Variants in MTMR7 observed in about 807,000 individuals in gnomAD.
MTMR7 encodes phosphatidylinositol-3-phosphate phosphatase MTMR7.
In MTMR7, 76 loss-of-function variants were observed where a neutral mutation model predicts 81.2. The observed-to-expected ratio is 0.94, with a 90% CI of 0.78 to 1.13. MTMR7 has a LOEUF of 1.13. Among genes scored for constraint, MTMR7 ranks in the 50% most tolerant of loss-of-function variants. The pLI, the probability that MTMR7 is intolerant of heterozygous loss-of-function variation, is 0.00. For synonymous variants in MTMR7, 372 were observed against 289.8 expected (o/e 1.28, Z -2.88); for missense variants, 1,044 against 820.0 (o/e 1.27, Z -3.34).
rs142124287 is a variant in MTMR7 at position 17,305,789 on chromosome 8, T to A, written c.1320A>T (p.Leu440=). ...HIYSCQFGNF[L]CNSQKERREL... Reference sequence around the variant, plus strand: ...CTCGTCTCTCCTTTTGGCTGTTACATAGGAAGTTTCCAAACTGGCAGGAAT... The same window carrying A: ...CTCGTCTCTCCTTTTGGCTGTTACAAAGGAAGTTTCCAAACTGGCAGGAAT... The change falls in exon 11 of 14, where the codon CTA becomes CTT. Residue 440 remains leucine (L), a synonymous_variant. Transcript: ENST00000180173. 3 of 1,613,498 alleles carry A rather than the reference T, an allele frequency of 1.9e-6. No individual in the cohort carries two copies. Among genetic ancestry groups the A allele is most frequent in the Middle Eastern group, 1.7e-4 (1 of 6,056 alleles).
chr8:17,393,809 A>G (rs549389805), intron 1 of MTMR7, among the ~76,000 whole-genome samples: 1 of 152,344 alleles, frequency 6.6e-6, no homozygotes, highest in Admixed American at 6.5e-5. Flanking sequence ...ACGTTTATTA[A>G]TGTAACAAAC....
At chr8:17,400,532 C>G (rs943330765) in intron 1 of MTMR7, among the ~76,000 whole-genome samples, 3 of 152,134 alleles carry the variant, frequency 2.0e-5, no homozygotes, top group African/African-American at 7.2e-5. Context: ...TGTGTGCTTC[C>G]CTGCCTCTAG....
intron 1 of MTMR7, among the ~76,000 whole-genome samples, chr8:17,411,553 T>C (rs765909199): frequency 1.3e-5 from 2 of 152,192 alleles, no homozygotes; most frequent in African/African-American, 2.4e-5. Flanking sequence ...ACCTCTGTAA[T>C]TTCTTATTTT....
intron 6 of MTMR7, among the ~76,000 whole-genome samples, chr8:17,340,053 G>A (rs1819359721): frequency 1.3e-5 from 2 of 152,200 alleles, no homozygotes; most frequent in East Asian, 3.9e-4. Flanking sequence ...CCGTGTTCAA[G>A]CGATTCTCCC....
Position 17,300,237 on chromosome 8 carries a change from T to C in MTMR7, c.1621-13A>G. The C allele has an allele frequency of 6.3e-7, 1 of 1,589,564 alleles. No homozygotes were observed. The highest frequency in any genetic ancestry group is 8.6e-7 in the Non-Finnish European group (1 of 1,169,514). ...TTTTTTCCAGCCTCTAAGAAAGAAA[T>C]AACAATTTCAGGGGAAAAATCATAA... On this transcript the variant is annotated splice_polypyrimidine_tract_variant and intron_variant, in intron 13 of 13. Coordinates refer to ENST00000180173, the MANE Select transcript of MTMR7 (RefSeq NM_004686.5).
At chr8:17,349,184 T>G (rs1296326466) in intron 4 of MTMR7, 103 bp from the exon 5 acceptor site, 3 of 1,397,678 alleles carry the variant, frequency 2.1e-6, no homozygotes, top group East Asian at 4.7e-5. Context: ...CATCCTTAAG[T>G]TCCCTTAACC....
At chr8:17,342,805 G>C (rs1007874833) in intron 5 of MTMR7, among the ~76,000 whole-genome samples, 5 of 152,086 alleles carry the variant, frequency 3.3e-5, no homozygotes, top group Non-Finnish European at 5.9e-5. Flanking sequence ...CAAAGCAAAG[G>C]GGCAGCAGCA....
intron 5 of MTMR7, among the ~76,000 whole-genome samples, chr8:17,343,253 C>T (rs1384639652): frequency 2.0e-5 from 3 of 151,942 alleles, no homozygotes; most frequent in Non-Finnish European, 4.4e-5. Flanking sequence ...ATGGTGAAAC[C>T]CCATCACTAC....
intron 7 of MTMR7, among the ~76,000 whole-genome samples, chr8:17,329,168 T>G (rs1427470525): frequency 6.6e-6 from 1 of 152,180 alleles, no homozygotes; most frequent in African/African-American, 2.4e-5. Context: ...AAGTGACCAG[T>G]AGTATGAGCC....
chr8:17,340,353 T>TG (rs1277454709), intron 6 of MTMR7, among the ~76,000 whole-genome samples: 2 of 152,244 alleles, frequency 1.3e-5, no homozygotes, highest in African/African-American at 4.8e-5. Context: ...GAGACAGAAC[T>TG]GGACGTTCAT....
chr8:17,383,380 G>T (rs1045144215), intron 1 of MTMR7, among the ~76,000 whole-genome samples: 1 of 152,106 alleles, frequency 6.6e-6, no homozygotes, highest in Non-Finnish European at 1.5e-5. Flanking sequence ...CAACTACTGC[G>T]CATCAGATAC....
At chr8:17,307,722 T>A (rs1442850860) in intron 10 of MTMR7, among the ~76,000 whole-genome samples, 1 of 152,194 alleles carries the variant, frequency 6.6e-6, no homozygotes, top group Non-Finnish European at 1.5e-5. Context: ...AATGATGAGT[T>A]CATTTCCTTT....
At chr8:17,391,013 A>G (rs1413829739) in intron 1 of MTMR7, among the ~76,000 whole-genome samples, 2 of 152,200 alleles carry the variant, frequency 1.3e-5, no homozygotes, top group African/African-American at 4.8e-5. Flanking sequence ...TCAGTAGAGA[A>G]CCAGAATGAG....
intron 4 of MTMR7, among the ~76,000 whole-genome samples, chr8:17,349,876 G>C (rs945544040): frequency 2.6e-5 from 4 of 152,258 alleles, no homozygotes; most frequent in African/African-American, 9.6e-5. Flanking sequence ...ACCTGGCTCT[G>C]ACTGAGCAAC....
At chr8:17,392,858 G>T (rs1821147295) in intron 1 of MTMR7, among the ~76,000 whole-genome samples, 2 of 152,192 alleles carry the variant, frequency 1.3e-5, no homozygotes, top group African/African-American at 4.8e-5. Flanking sequence ...TTTCATGGAA[G>T]TTCTTTCAGC....
At chr8:17,407,051 ACT>A (rs1304532330) in intron 1 of MTMR7, among the ~76,000 whole-genome samples, 1 of 152,118 alleles carries the variant, frequency 6.6e-6, no homozygotes, top group East Asian at 1.9e-4. Flanking sequence ...TGGTGGTACA[ACT>A]CTGTGAATAT....
intron 6 of MTMR7, chr8:17,339,043 G>A (rs747876907): frequency 2.0e-5 from 3 of 152,168 alleles, no homozygotes; most frequent in African/African-American, 4.8e-5. Flanking sequence ...AATACTTGGT[G>A]ACATGAAGTT....
intron 1 of MTMR7, among the ~76,000 whole-genome samples, chr8:17,396,488 T>A (rs1821254357): frequency 6.6e-6 from 1 of 152,148 alleles, no homozygotes; most frequent in Admixed American, 6.5e-5. Context: ...AGTGCTGCCC[T>A]ACCATAGCAA....
In MTMR7 at chr8:17,411,541, C is replaced by A. The variant is rs577914522; in HGVS notation, c.24+1728G>T. ...AATGAATAAATGAATCCGATCCATC[C>A]AACCTCTGTAATTTCTTATTTTTTT... On this transcript the variant is annotated intron_variant, in intron 1 of 13. Coordinates refer to ENST00000180173, the MANE Select transcript of MTMR7 (RefSeq NM_004686.5). Among the ~76,000 whole-genome samples the A allele has an allele frequency of 3.3e-5, 5 of 152,308 alleles. 1 individual carries two copies. Among genetic ancestry groups the A allele is most frequent in the African/African-American group, 1.2e-4 (5 of 41,560 alleles).
Sources: gnomAD v4.1 joint callset for allele counts (sites outside exome capture counted in the v4.1 genomes callset) on GRCh38, gnomAD v4.1.1 for gene constraint, MANE v1.5 for transcripts, NCBI Gene and HGNC (gene_info 2026-07-23, HGNC 2026-07-21) for gene names.